The following PCDHA3 variants were observed in gnomAD, a reference collection of about 807,000 sequenced individuals.
PCDHA3 encodes protocadherin alpha-3.
PCDHA3 carries 41 observed loss-of-function variants against 62.2 expected under a neutral mutation model. The observed-to-expected ratio is 0.66, with a 90% CI of 0.51 to 0.86. PCDHA3 has a LOEUF of 0.86. Ranked by LOEUF, PCDHA3 falls within the 40% of genes least tolerant of loss-of-function variation. The probability of loss-of-function intolerance (pLI) is 0.00; values close to 1 mark genes in which losing one functional copy is unlikely to be tolerated. For missense variants in PCDHA3, 1,304 were observed against 1,241.2 expected (o/e 1.05, Z -0.76); for synonymous variants, 640 against 555.4 (o/e 1.15, Z -2.14).
intron 1 of PCDHA3, among the ~76,000 whole-genome samples, chr5:140,818,943 AT>A (rs1554127580): frequency 6.6e-6 from 1 of 152,228 alleles, no homozygotes; most frequent in East Asian, 1.9e-4. Context: ...TGACATGAAC[AT>A]TGATATTCAC....
intron 1 of PCDHA3, chr5:140,824,890 A>G (rs995906531): frequency 2.0e-5 from 3 of 151,970 alleles, no homozygotes; most frequent in African/African-American, 7.3e-5. Context: ...GTTTATTTCA[A>G]CTTTGCCTAA....
chr5:140,927,131 C>T (rs782433395), intron 1 of PCDHA3: 1 of 1,614,078 alleles, frequency 6.2e-7, no homozygotes, highest in Non-Finnish European at 8.5e-7. Context: ...GTCAGAGAGC[C>T]GGCGGACCGC....
At chr5:140,922,910 A>C (rs1418606862) in intron 1 of PCDHA3, among the ~76,000 whole-genome samples, 4 of 152,228 alleles carry the variant, frequency 2.6e-5, no homozygotes, top group Admixed American at 2.6e-4. Flanking sequence ...TTGAGATACA[A>C]ATAAACTTCA....
intron 1 of PCDHA3, among the ~76,000 whole-genome samples, chr5:140,903,212 A>G (rs1387552422): frequency 6.6e-6 from 1 of 152,192 alleles, no homozygotes; most frequent in African/African-American, 2.4e-5. Context: ...CACCACATTC[A>G]TGCCAACATC....
rs114742019 is a variant in PCDHA3, at chr5:140,911,730, G to A, written c.2395-67219G>A. Among the ~76,000 whole-genome samples the A allele has an allele frequency of 8.1e-3, 1,236 of 152,190 alleles. 6 individuals carry two copies. The highest frequency in any genetic ancestry group is 0.019 in the African/African-American group (801 of 41,524). ...TTTTGTGTAACTCTGTAAACAGTTC[G>A]TGCCAAGGACTATCAGTGTTCTCCA... is the stretch of plus-strand genomic sequence containing the variant. On this transcript the variant is annotated intron_variant, in intron 1 of 3. Coordinates refer to ENST00000522353, the MANE Select transcript of PCDHA3 (RefSeq NM_018906.3).
chr5:140,951,779 CA>C (rs1402940575), intron 1 of PCDHA3, among the ~76,000 whole-genome samples: 1 of 152,142 alleles, frequency 6.6e-6, no homozygotes, highest in East Asian at 1.9e-4. Flanking sequence ...TCTTACATTG[CA>C]AAATACAATT....
At chr5:140,835,869 G>C (rs781933371) in intron 1 of PCDHA3, 2 of 1,612,094 alleles carry the variant, frequency 1.2e-6, no homozygotes, top group Non-Finnish European at 8.5e-7. Context: ...CTCGCTGGTG[G>C]AGCTGCGGGT....
At position 140,802,965 on chromosome 5, in the gene PCDHA3, G is replaced by A. The variant is rs577958641; in HGVS notation, c.1768G>A (p.Val590Met). ...GCCGCGGTCAGTGGGTGCGGGCCAC[G>A]TGGTAGCGAAGGTGCGCGCAGTGGA... ...LVPRSVGAGH[V>M]VAKVRAVDAD... The change falls in exon 1 of 4, where the codon GTG becomes ATG. Residue 590 changes from valine (V) to methionine (M), a missense_variant. Physicochemically the swap from Val to Met is conservative, Grantham distance 21. Coordinates refer to ENST00000522353, the MANE Select transcript of PCDHA3 (RefSeq NM_018906.3). 6.2e-7 allele frequency: 1 copy of A among 1,613,992 alleles called. No homozygotes were observed. Among genetic ancestry groups the A allele is most frequent in the African/African-American group, 1.3e-5 (1 of 75,066 alleles).
At chr5:140,829,667 G>C in intron 1 of PCDHA3, 1 of 1,612,886 alleles carries the variant, frequency 6.2e-7, no homozygotes, top group Non-Finnish European at 8.5e-7. Context: ...GCTGGACCAC[G>C]AGGAGCTAGA....
At chr5:140,848,886 C>G in intron 1 of PCDHA3, 2 of 1,591,496 alleles carry the variant, frequency 1.3e-6, no homozygotes, top group Admixed American at 1.7e-5. Context: ...CGACAACCCT[C>G]CAGTGTTCCC....
Position 140,851,840 on chromosome 5 carries a change from T to C in PCDHA3, c.2394+48249T>C. ...AGAAATCTGTTTTTTTAAAAATATCTTTTTCTCCTCTCAGCTCATACATAA... is the reference window on the plus strand; with the variant it reads ...AGAAATCTGTTTTTTTAAAAATATCCTTTTCTCCTCTCAGCTCATACATAA... On this transcript the variant is annotated intron_variant, in intron 1 of 3. Coordinates refer to ENST00000522353, the MANE Select transcript of PCDHA3 (RefSeq NM_018906.3). 3 of 970,528 alleles carry C rather than the reference T, an allele frequency of 3.1e-6. 1 individual carries two copies. The highest frequency in any genetic ancestry group is 3.7e-6 in the Non-Finnish European group (3 of 803,428). The allele number at this position is 970,528 out of a possible 1,614,324, so 60.1% of individuals were successfully genotyped here.
At chr5:140,848,603 G>A (rs144574743) in intron 1 of PCDHA3, 1 of 1,581,062 alleles carries the variant, frequency 6.3e-7, no homozygotes, top group Non-Finnish European at 8.7e-7. Flanking sequence ...ACTCCGTCCC[G>A]GAGGAAGCCG....
chr5:140,870,550 G>C (rs371515299), intron 1 of PCDHA3: 2 of 1,614,066 alleles, frequency 1.2e-6, no homozygotes, highest in South Asian at 2.2e-5. Flanking sequence ...GGACGCGGAC[G>C]CGCAGGAGAA....
At chr5:140,911,744 C>T (rs758009837) in intron 1 of PCDHA3, among the ~76,000 whole-genome samples, 2 of 151,280 alleles carry the variant, frequency 1.3e-5, no homozygotes, top group Non-Finnish European at 2.9e-5. Flanking sequence ...CAAGGACTAT[C>T]AGTGTTCTCC....
At chr5:140,827,898 G>T in intron 1 of PCDHA3, 1 of 748,536 alleles carries the variant, frequency 1.3e-6, no homozygotes, top group Non-Finnish European at 2.2e-6. Context: ...CTTACCTTTT[G>T]GAGCCGCATG....
At chr5:140,814,347 G>A (rs1554126500) in intron 1 of PCDHA3, 3 of 151,722 alleles carry the variant, frequency 2.0e-5, no homozygotes, top group African/African-American at 4.8e-5. Context: ...GTCTTCTGGG[G>A]CAGTTACACA....
At chr5:140,858,422 G>C in intron 1 of PCDHA3, 3 of 1,554,774 alleles carry the variant, frequency 1.9e-6, no homozygotes, top group Non-Finnish European at 2.6e-6. Flanking sequence ...TATTGGAGGG[G>C]ACCACTCTAG....
At chr5:140,875,478 G>A (rs2055526738) in intron 1 of PCDHA3, 1 of 1,610,404 alleles carries the variant, frequency 6.2e-7, no homozygotes, top group Admixed American at 1.7e-5. Flanking sequence ...CTGCAATGGT[G>A]ATTATCGGAC....
chr5:140,853,936 A>G, intron 1 of PCDHA3: 1 of 845,796 alleles, frequency 1.2e-6, no homozygotes, highest in Non-Finnish European at 1.5e-6. Context: ...TGGGAGGCCA[A>G]GGTGGGAGGG....
Sources: gnomAD v4.1 joint callset for allele counts (sites outside exome capture counted in the v4.1 genomes callset) on GRCh38, gnomAD v4.1.1 for gene constraint, MANE v1.5 for transcripts, NCBI Gene and HGNC (gene_info 2026-07-23, HGNC 2026-07-21) for gene names.